ADGRB3: variants seen among roughly 807,000 people sequenced by gnomAD.
ADGRB3 encodes the protein brain-specific angiogenesis inhibitor 3.
In ADGRB3, 37 loss-of-function variants were observed where a neutral mutation model predicts 193.4. The ratio of observed to expected loss-of-function variants is 0.19; its 90% CI spans 0.15 to 0.25. The LOEUF is 0.25. Ranked by LOEUF, ADGRB3 falls within the 10% of genes least tolerant of loss-of-function variation. The pLI, the probability that ADGRB3 is intolerant of heterozygous loss-of-function variation, is 1.00. For missense variants in ADGRB3, 1,637 were observed against 1,852.9 expected (o/e 0.88, Z 2.14); for synonymous variants, 690 against 644.2 (o/e 1.07, Z -1.08).
At chr6:69,153,506 G>A (rs1054516271) in intron 17 of ADGRB3, among the ~76,000 whole-genome samples, 1 of 152,126 alleles carries the variant, frequency 6.6e-6, no homozygotes, top group African/African-American at 2.4e-5. Context: ...AATGCTATAA[G>A]TCCCTTTCAC....
chr6:69,128,695 C>T (rs958127370), intron 17 of ADGRB3, among the ~76,000 whole-genome samples: 2 of 152,158 alleles, frequency 1.3e-5, no homozygotes, highest in African/African-American at 4.8e-5. Flanking sequence ...TCTCTTCAGA[C>T]TCTTTTTCAA....
intron 3 of ADGRB3, among the ~76,000 whole-genome samples, chr6:68,819,328 A>G (rs551688391): frequency 1.3e-5 from 2 of 151,984 alleles, no homozygotes; most frequent in South Asian, 4.2e-4. Flanking sequence ...ACTATTTGGT[A>G]TGTTTTATGG....
At chr6:68,818,375 C>A (rs577664640) in intron 3 of ADGRB3, among the ~76,000 whole-genome samples, 26 of 152,134 alleles carry the variant, frequency 1.7e-4, no homozygotes, top group Non-Finnish European at 3.1e-4. Flanking sequence ...TAGCACTATG[C>A]CTGGCACACA....
At chr6:69,267,717 GT>G (rs1767078781) in intron 20 of ADGRB3, among the ~76,000 whole-genome samples, 1 of 152,058 alleles carries the variant, frequency 6.6e-6, no homozygotes, top group Non-Finnish European at 1.5e-5. Context: ...TCTTGGTCAG[GT>G]TGTTTCAAGT....
intron 5 of ADGRB3, among the ~76,000 whole-genome samples, chr6:68,939,397 C>T (rs771681437): frequency 6.6e-6 from 1 of 152,030 alleles, no homozygotes; most frequent in Non-Finnish European, 1.5e-5. Context: ...AACTGCATAC[C>T]AATTACTAGC....
intron 4 of ADGRB3, among the ~76,000 whole-genome samples, chr6:68,935,558 T>C (rs2150247962): frequency 6.6e-6 from 1 of 152,292 alleles, no homozygotes; most frequent in Admixed American, 6.5e-5. Flanking sequence ...AATGACTAAA[T>C]GGTTAACTTA....
At chr6:69,126,830 G>C (rs1410330293) in intron 17 of ADGRB3, among the ~76,000 whole-genome samples, 1 of 152,190 alleles carries the variant, frequency 6.6e-6, no homozygotes, top group Non-Finnish European at 1.5e-5. Flanking sequence ...AGCCGAATGT[G>C]CTGGATTGCT....
chr6:68,814,255 G>T (rs1257913893), intron 3 of ADGRB3, among the ~76,000 whole-genome samples: 1 of 152,136 alleles, frequency 6.6e-6, no homozygotes, highest in East Asian at 1.9e-4. Context: ...CATTCTAACT[G>T]GTGTGAGATG....
rs370048348 is a variant in ADGRB3 at position 69,235,069 on chromosome 6, T to C, written c.2645T>C (p.Ile882Thr). 1.2e-6 allele frequency: 2 copies of C among 1,613,304 alleles called. No individual in the cohort carries two copies. Among genetic ancestry groups the C allele is most frequent in the South Asian group, 1.1e-5 (1 of 91,070 alleles). ...ESSGTPSVTL[I>T]VGSGLSCLAL... Reference sequence around the variant, plus strand: ...TCTGGCACACCTTCAGTTACCCTAATAGTAGGCAGTGGTCTTTCTTGCTTG... The same window carrying C: ...TCTGGCACACCTTCAGTTACCCTAACAGTAGGCAGTGGTCTTTCTTGCTTG... Residue 882 changes from isoleucine (I) to threonine (T), a missense_variant, in exon 19 of 32, where the codon ATA (isoleucine) becomes ACA (threonine). Transcript: ENST00000370598.
chr6:69,246,162 A>G (rs1192333341), intron 20 of ADGRB3, among the ~76,000 whole-genome samples: 3 of 152,138 alleles, frequency 2.0e-5, no homozygotes, highest in Admixed American at 1.3e-4. Context: ...ATAAGAATAT[A>G]ATGTTCATAG....
chr6:68,868,944 TGTGTGTG>T (rs1562064120), intron 3 of ADGRB3, among the ~76,000 whole-genome samples: 6 of 145,338 alleles, frequency 4.1e-5, no homozygotes, highest in Non-Finnish European at 6.1e-5. Flanking sequence ...TGTGTGTGAG[TGTGTGTG>T]TTTAAACTTA....
Position 69,223,243 on chromosome 6 carries a change from A to C in ADGRB3, c.2481-10047A>C, listed in dbSNP as rs534042486. Reference sequence around the variant, plus strand: ...TGTATGTAGGCAATGATGAATCATAATTTTGAAGTATGATTAACTCAAGAG... The same window carrying C: ...TGTATGTAGGCAATGATGAATCATACTTTTGAAGTATGATTAACTCAAGAG... On this transcript the variant is annotated intron_variant, in intron 17 of 31. Coordinates refer to ENST00000370598, the MANE Select transcript of ADGRB3 (RefSeq NM_001704.3). Among the ~76,000 whole-genome samples, 11 of 152,276 alleles carry C rather than the reference A, an allele frequency of 7.2e-5. No homozygotes were observed. In the South Asian group the frequency reaches 2.1e-3, roughly 29 times the overall value.
At chr6:68,766,837 A>G (rs1156706496) in intron 3 of ADGRB3, among the ~76,000 whole-genome samples, 2 of 152,058 alleles carry the variant, frequency 1.3e-5, no homozygotes, top group Non-Finnish European at 2.9e-5. Context: ...GTATCTGTAT[A>G]TGATTAAAAA....
At chr6:68,884,443 G>A (rs1162195596) in intron 3 of ADGRB3, among the ~76,000 whole-genome samples, 5 of 152,282 alleles carry the variant, frequency 3.3e-5, no homozygotes, top group Admixed American at 6.5e-5. Context: ...CTCTCAGAGA[G>A]TAAGAGCTTT....
chr6:68,697,731 G>A (rs1392937915), intron 3 of ADGRB3, among the ~76,000 whole-genome samples: 1 of 151,760 alleles, frequency 6.6e-6, no homozygotes, highest in Non-Finnish European at 1.5e-5. Context: ...TTAGGATTTG[G>A]CAAAACAGAC....
chr6:69,335,618 G>C (rs1768828908), intron 24 of ADGRB3, among the ~76,000 whole-genome samples: 1 of 152,036 alleles, frequency 6.6e-6, no homozygotes, highest in African/African-American at 2.4e-5. Flanking sequence ...ATAGAGGTTT[G>C]AATAATTTTA....
chr6:69,044,664 A>C (rs896283583), intron 13 of ADGRB3, among the ~76,000 whole-genome samples: 4 of 152,228 alleles, frequency 2.6e-5, no homozygotes, highest in Admixed American at 2.6e-4. Flanking sequence ...AAGTATTAAA[A>C]TTGCAAAATG....
intron 13 of ADGRB3, among the ~76,000 whole-genome samples, chr6:69,027,293 A>G (rs921336439): frequency 1.3e-5 from 2 of 152,086 alleles, no homozygotes; most frequent in Non-Finnish European, 2.9e-5. Flanking sequence ...AGGATCATCA[A>G]TGTCACTGTC....
chr6:69,083,579 A>G (rs1582448240), intron 17 of ADGRB3, among the ~76,000 whole-genome samples: 2 of 152,272 alleles, frequency 1.3e-5, no homozygotes, highest in East Asian at 1.9e-4. Context: ...TAAGAATTTC[A>G]TGGGTGGATA....
Sources: gnomAD v4.1 joint callset for allele counts (sites outside exome capture counted in the v4.1 genomes callset) on GRCh38, gnomAD v4.1.1 for gene constraint, MANE v1.5 for transcripts, NCBI Gene and HGNC (gene_info 2026-07-23, HGNC 2026-07-21) for gene names.